The following FAM81B variants were observed in gnomAD, a reference collection of about 807,000 sequenced individuals.
FAM81B encodes family with sequence similarity 81 member B, also known as protein FAM81B.
A neutral mutation model predicts 58.7 loss-of-function variants in FAM81B; 60 were observed. That is an observed-to-expected ratio of 1.02 (90% confidence interval 0.83 to 1.27). FAM81B has a LOEUF of 1.27. Among genes scored for constraint, FAM81B ranks in the 50% most tolerant of loss-of-function variants. The probability of loss-of-function intolerance (pLI) is 0.00; values close to 1 mark genes in which losing one functional copy is unlikely to be tolerated. For missense variants in FAM81B, 491 were observed against 522.0 expected (o/e 0.94, Z 0.58); for synonymous variants, 189 against 179.6 (o/e 1.05, Z -0.42).
intron 7 of FAM81B, among the ~76,000 whole-genome samples, chr5:95,445,245 T>C (rs1027269448): frequency 3.9e-5 from 6 of 152,198 alleles, no homozygotes; most frequent in Non-Finnish European, 7.3e-5. Context: ...AATTATTACT[T>C]TAACTGTCTG....
chr5:95,449,424 T>C (rs1745708604), intron 9 of FAM81B, among the ~76,000 whole-genome samples: 1 of 152,234 alleles, frequency 6.6e-6, no homozygotes, highest in South Asian at 2.1e-4. Context: ...ATCAGAGGTT[T>C]AATTTTACTT....
At chr5:95,446,914 T>C (rs996231576) in intron 8 of FAM81B, among the ~76,000 whole-genome samples, 1 of 150,844 alleles carries the variant, frequency 6.6e-6, no homozygotes, top group South Asian at 2.1e-4. Context: ...GAGTGTGCTC[T>C]ACCTGTACCA....
At position 95,391,376 on chromosome 5, in the gene FAM81B, A is replaced by G. The variant is rs755865577; in HGVS notation, c.-14A>G. The G allele has an allele frequency of 1.9e-6, 3 of 1,609,980 alleles. No homozygotes were observed. Among genetic ancestry groups the G allele is most frequent in the Non-Finnish European group, 2.5e-6 (3 of 1,178,222 alleles). On this transcript the variant is annotated 5_prime_UTR_variant, in exon 1 of 10. Coordinates refer to ENST00000283357, the MANE Select transcript of FAM81B (RefSeq NM_152548.3). Reference sequence around the variant, plus strand: ...TTGGGAAGAGGCCCCAGAAACAGGAAGACCTTAGTTAGGATGCAATTACAA... The same window carrying G: ...TTGGGAAGAGGCCCCAGAAACAGGAGGACCTTAGTTAGGATGCAATTACAA...
At position 95,428,612 on chromosome 5, in the gene FAM81B, A is replaced by C. The variant is rs746286929; in HGVS notation, c.666A>C (p.Ser222=). The change falls in exon 6 of 10, where the codon TCA becomes TCC. Residue 222 remains serine, a synonymous_variant. Transcript: ENST00000283357. The part of the protein sequence containing the change: ...DLRGRVARCD[S]SIVKLSGDIH... ...TCCATCTTGCCATTAGATGTGATTC[A>C]AGCATTGTGAAGCTTTCTGGAGACA... 2 of 1,613,888 alleles carry C rather than the reference A, an allele frequency of 1.2e-6. No homozygotes were observed.
At chr5:95,400,975 C>A (rs1762097415) in intron 3 of FAM81B, among the ~76,000 whole-genome samples, 1 of 150,336 alleles carries the variant, frequency 6.7e-6, no homozygotes, top group African/African-American at 2.5e-5. Context: ...TCAAGAGGGC[C>A]ACAAATGCTA....
At chr5:95,392,423 G>A (rs1761849388) in intron 1 of FAM81B, among the ~76,000 whole-genome samples, 1 of 152,244 alleles carries the variant, frequency 6.6e-6, no homozygotes, top group Admixed American at 6.5e-5. Flanking sequence ...GATGGGTGCA[G>A]CAAACCACCA....
chr5:95,393,177 A>T (rs2152759456), intron 2 of FAM81B, among the ~76,000 whole-genome samples: 1 of 152,376 alleles, frequency 6.6e-6, no homozygotes, highest in East Asian at 1.9e-4. Context: ...GAACCATGAT[A>T]AACTCAAGGT....
chr5:95,430,947 G>C (rs143272063), intron 6 of FAM81B, among the ~76,000 whole-genome samples: 2,045 of 152,160 alleles, frequency 0.013, 40 homozygotes, highest in African/African-American at 0.047. Context: ...TATGGATGAA[G>C]TTGAGCATCT....
chr5:95,396,254 T>C, intron 3 of FAM81B, 79 bp downstream of exon 3: 1 of 1,144,852 alleles, frequency 8.7e-7, no homozygotes, highest in African/African-American at 1.6e-5. Flanking sequence ...AAAGAAAAAA[T>C]CCTGTGTTTA....
chr5:95,414,950 C>G (rs1292539584), intron 4 of FAM81B, among the ~76,000 whole-genome samples: 1 of 152,054 alleles, frequency 6.6e-6, no homozygotes, highest in Non-Finnish European at 1.5e-5. Context: ...TCTATAAAGT[C>G]AAAGAGTTTG....
chr5:95,420,309 G>C lies in FAM81B; in HGVS notation c.563G>C (p.Arg188Pro). Reference protein sequence around the residue: ...IEILEDQIRARDQAATGTNFA... With the variant: ...IEILEDQIRAPDQAATGTNFA... ...ATTTTAGAAGACCAAATAAGAGCTCGAGATCAGGCGGCCACAGGAACTAAC... is the reference window on the plus strand; with the variant it reads ...ATTTTAGAAGACCAAATAAGAGCTCCAGATCAGGCGGCCACAGGAACTAAC... The change falls in exon 5 of 10, where the codon CGA becomes CCA. Residue 188 changes from arginine (R) to proline (P), a missense_variant. By Grantham distance (103) the Arg-to-Pro change is moderately radical. Transcript: ENST00000283357. 6.2e-7 allele frequency: 1 copy of C among 1,613,720 alleles called. No individual in the cohort carries two copies. The highest frequency in any genetic ancestry group is 8.5e-7 in the Non-Finnish European group (1 of 1,179,752).
chr5:95,440,653 C>A, intron 7 of FAM81B: 1 of 878,220 alleles, frequency 1.1e-6, no homozygotes, highest in Non-Finnish European at 1.7e-6. Flanking sequence ...ATTACTGATC[C>A]AAGGACAGAC....
chr5:95,396,887 T>C (rs983106035), intron 3 of FAM81B: 1 of 152,226 alleles, frequency 6.6e-6, no homozygotes, highest in Non-Finnish European at 1.5e-5. Flanking sequence ...GTCAGTTCCA[T>C]AATGTCTCTG....
At chr5:95,415,622 T>C (rs1251128381) in intron 4 of FAM81B, among the ~76,000 whole-genome samples, 1 of 152,230 alleles carries the variant, frequency 6.6e-6, no homozygotes, top group African/African-American at 2.4e-5. Flanking sequence ...CAAGCAGCCC[T>C]GTGCCTTTTG....
Position 95,392,847 on chromosome 5 carries a change from G to A in FAM81B, c.178G>A (p.Val60Ile). 6.2e-7 allele frequency: 1 copy of A among 1,612,536 alleles called. No homozygotes were observed. Among genetic ancestry groups the A allele is most frequent in the South Asian group, 1.1e-5 (1 of 90,680 alleles). Reference protein sequence around the residue: ...SPTATAEEQPVEPDGPLPGSD... With the variant: ...SPTATAEEQPIEPDGPLPGSD... ...AACTGCGACTGCAGAGGAACAGCCA[G>A]TTGAACCTGATGGCCCCCTTCCTGG... is the stretch of plus-strand genomic sequence containing the variant. The change falls in exon 2 of 10, where the codon GTT (valine) becomes ATT (isoleucine). Residue 60 changes from valine to isoleucine, a missense_variant. Transcript: ENST00000283357.
At chr5:95,421,470 G>T (rs912789173) in intron 5 of FAM81B, among the ~76,000 whole-genome samples, 15 of 152,204 alleles carry the variant, frequency 9.9e-5, no homozygotes, top group Non-Finnish European at 1.9e-4. Flanking sequence ...TGGCATTTTG[G>T]TTATGGTATT....
intron 5 of FAM81B, among the ~76,000 whole-genome samples, chr5:95,426,786 C>T (rs544243102): frequency 1.3e-5 from 2 of 152,270 alleles, no homozygotes; most frequent in South Asian, 2.1e-4. Flanking sequence ...CGGTGGCTCA[C>T]GCCTGTAATC....
intron 3 of FAM81B, among the ~76,000 whole-genome samples, chr5:95,410,184 T>G (rs1366746066): frequency 6.6e-6 from 1 of 152,156 alleles, no homozygotes; most frequent in Non-Finnish European, 1.5e-5. Flanking sequence ...CTTCTGTCTT[T>G]TCTATCGGGA....
intron 7 of FAM81B, among the ~76,000 whole-genome samples, chr5:95,437,658 T>C (rs1027165712): frequency 4.6e-5 from 7 of 152,222 alleles, no homozygotes; most frequent in Non-Finnish European, 1.0e-4. Context: ...TTTTTAAGAC[T>C]GGTCTCTACC....
Sources: gnomAD v4.1 joint callset for allele counts (sites outside exome capture counted in the v4.1 genomes callset) on GRCh38, gnomAD v4.1.1 for gene constraint, MANE v1.5 for transcripts, NCBI Gene and HGNC (gene_info 2026-07-23, HGNC 2026-07-21) for gene names.